Variants in PPP1R21 observed in about 807,000 individuals in gnomAD.
PPP1R21 encodes KLRAQ motif containing 1.
Under a neutral mutation model 112.8 loss-of-function variants are expected in PPP1R21, and 85 were observed. The ratio of observed to expected loss-of-function variants is 0.75; its 90% CI spans 0.63 to 0.90. The LOEUF is 0.90. Among genes scored for constraint, PPP1R21 ranks in the 40% least tolerant of loss-of-function variants. PPP1R21 has a pLI of 0.00. For missense variants in PPP1R21, 1,199 were observed against 901.5 expected (o/e 1.33, Z -4.23); for synonymous variants, 381 against 322.3 (o/e 1.18, Z -1.95).
At chr2:48,492,297 T>TCTTC (rs1375455458) in intron 15 of PPP1R21, among the ~76,000 whole-genome samples, 1 of 152,188 alleles carries the variant, frequency 6.6e-6, no homozygotes, top group Non-Finnish European at 1.5e-5. Flanking sequence ...AAAGAATTTT[T>TCTTC]CTTCCTTCCT....
chr2:48,491,818 A>C (rs1669578915), intron 15 of PPP1R21, among the ~76,000 whole-genome samples: 1 of 152,132 alleles, frequency 6.6e-6, no homozygotes, highest in Non-Finnish European at 1.5e-5. Flanking sequence ...TCTATAAAAT[A>C]CATGACTCAA....
intron 21 of PPP1R21, among the ~76,000 whole-genome samples, chr2:48,511,888 A>G (rs1009498055): frequency 6.6e-6 from 1 of 151,994 alleles, no homozygotes; most frequent in Non-Finnish European, 1.5e-5. Context: ...GAAAAAAAAA[A>G]GCATGTATAA....
At chr2:48,509,945 A>G (rs375644197) in intron 19 of PPP1R21, 70 bp from the exon 20 acceptor site, 8 of 1,142,886 alleles carry the variant, frequency 7.0e-6, no homozygotes, top group African/African-American at 4.6e-5. Flanking sequence ...GTTTTTAACA[A>G]ACTTTCCCGA....
At position 48,440,834 on chromosome 2, in the gene PPP1R21, G is replaced by C. The variant is rs1666982308; in HGVS notation, c.-120G>C. ...AGGCGCGGCGGCGGCGGCGGCGGCGGCTGCGGTGGCCAAGCAGGCAGATAC... is the reference window on the plus strand; with the variant it reads ...AGGCGCGGCGGCGGCGGCGGCGGCGCCTGCGGTGGCCAAGCAGGCAGATAC... On this transcript the variant is annotated 5_prime_UTR_variant, in exon 1 of 22. Coordinates refer to ENST00000294952, the MANE Select transcript of PPP1R21 (RefSeq NM_001135629.3). The C allele has an allele frequency of 1.3e-5, 9 of 716,326 alleles. No homozygotes were observed. The highest frequency in any genetic ancestry group is 2.1e-5 in the Non-Finnish European group (9 of 425,132). 44.4% of individuals were successfully genotyped at this position (716,326 alleles called of 1,614,324 possible).
At chr2:48,512,605 A>C (rs1670692385) in intron 21 of PPP1R21, among the ~76,000 whole-genome samples, 1 of 152,196 alleles carries the variant, frequency 6.6e-6, no homozygotes, top group African/African-American at 2.4e-5. Context: ...GTCTTCTTGG[A>C]AAATACGTCA....
rs536496885 is a variant in PPP1R21 at position 48,468,584 on chromosome 2, G to A, written c.898-2503G>A. On this transcript the variant is annotated intron_variant, in intron 9 of 21. Transcript: ENST00000294952. ...TCCTAGTACTTTGGGAGGCTGAGGC[G>A]GGTGGATCGCTTGACCTCAGGAGTT... 6.6e-5 allele frequency among the ~76,000 whole-genome samples: 10 copies of A among 152,214 alleles called. No homozygotes were observed. The East Asian group carries it at 1.5e-3, about 23-fold the overall frequency.
At chr2:48,501,169 C>T (rs760300111) in intron 17 of PPP1R21, among the ~76,000 whole-genome samples, 1 of 152,186 alleles carries the variant, frequency 6.6e-6, no homozygotes, top group Non-Finnish European at 1.5e-5. Flanking sequence ...GAGGGACATT[C>T]AACAAACAAA....
intron 1 of PPP1R21, among the ~76,000 whole-genome samples, chr2:48,443,160 A>G (rs561981547): frequency 3.3e-5 from 5 of 152,334 alleles, no homozygotes; most frequent in South Asian, 2.1e-4. Flanking sequence ...CCAAACATAC[A>G]AGGCACTCAT....
At chr2:48,449,372 T>G (rs1667382195) in intron 1 of PPP1R21, among the ~76,000 whole-genome samples, 1 of 152,202 alleles carries the variant, frequency 6.6e-6, no homozygotes, top group African/African-American at 2.4e-5. Context: ...CTGGTTATAG[T>G]GAATTTCCCA....
At chr2:48,443,234 T>C (rs1667108527) in intron 1 of PPP1R21, among the ~76,000 whole-genome samples, 1 of 152,106 alleles carries the variant, frequency 6.6e-6, no homozygotes, top group African/African-American at 2.4e-5. Flanking sequence ...TCCCTGCAGT[T>C]CTGAGGTGAG....
chr2:48,511,967 T>A (rs1355786980), intron 21 of PPP1R21, among the ~76,000 whole-genome samples: 1 of 152,226 alleles, frequency 6.6e-6, no homozygotes, highest in Admixed American at 6.5e-5. Flanking sequence ...AATTAAAAGC[T>A]GAGAAAGTCT....
rs1668943943 is a variant in PPP1R21, at chr2:48,480,123, A to G, written c.1318+107A>G. On this transcript the variant is annotated intron_variant, in intron 13 of 21. Transcript: ENST00000294952. The stretch of plus-strand genomic sequence containing the variant: ...GCCAAGGGTAATAGACCCCAGATAA[A>G]GGCTTATTAGCATTTGGCTTATGTT... 4 of 777,496 alleles carry G rather than the reference A, an allele frequency of 5.1e-6. No individual in the cohort carries two copies. In the Admixed American group the frequency reaches 7.5e-5, roughly 15 times the overall value. 48.2% of individuals were successfully genotyped at this position (777,496 alleles called of 1,614,324 possible).
intron 13 of PPP1R21, among the ~76,000 whole-genome samples, chr2:48,482,088 A>C (rs1487835496): frequency 1.3e-5 from 2 of 152,188 alleles, no homozygotes; most frequent in African/African-American, 4.8e-5. Context: ...TGCTGGTCCT[A>C]AGCTTTTTGG....
chr2:48,454,372 T>G (rs1473708859), intron 2 of PPP1R21, among the ~76,000 whole-genome samples: 2 of 152,254 alleles, frequency 1.3e-5, no homozygotes, highest in East Asian at 3.8e-4. Flanking sequence ...GATCTGTTAC[T>G]TTAGTATAGT....
chr2:48,485,573 G>A (rs1572872380), intron 13 of PPP1R21, among the ~76,000 whole-genome samples: 3 of 151,970 alleles, frequency 2.0e-5, no homozygotes, highest in Middle Eastern at 3.4e-3. Context: ...TATTACAAGT[G>A]TATATAAATA....
intron 9 of PPP1R21, among the ~76,000 whole-genome samples, chr2:48,466,438 G>A (rs1668207774): frequency 6.6e-6 from 1 of 151,870 alleles, no homozygotes; most frequent in South Asian, 2.1e-4. Flanking sequence ...TGTTGGCCAG[G>A]CTGGTCTTGA....
chr2:48,465,358 A>G (rs762124112), intron 8 of PPP1R21, 135 bp from the exon 9 acceptor site: 94 of 882,122 alleles, frequency 1.1e-4, no homozygotes, highest in South Asian at 1.8e-4. Flanking sequence ...TTAAAATTCA[A>G]GTGGGAGCAG....
intron 15 of PPP1R21, among the ~76,000 whole-genome samples, chr2:48,494,617 T>C (rs1015457939): frequency 2.0e-5 from 3 of 152,034 alleles, no homozygotes; most frequent in Non-Finnish European, 4.4e-5. Flanking sequence ...GGTTTCACCA[T>C]GTTGGTCAGG....
At chr2:48,477,805 C>T (rs1241780785) in intron 12 of PPP1R21, among the ~76,000 whole-genome samples, 1 of 151,826 alleles carries the variant, frequency 6.6e-6, no homozygotes, top group Non-Finnish European at 1.5e-5. Context: ...ACTTGTAGAT[C>T]ATTTTGGAGA....
Sources: allele counts gnomAD v4.1 joint callset (sites outside exome capture counted in the v4.1 genomes callset), GRCh38; gene constraint gnomAD v4.1.1; transcripts MANE v1.5; gene names NCBI Gene and HGNC (gene_info 2026-07-23, HGNC 2026-07-21).